EYS: variants seen among roughly 807,000 people sequenced by gnomAD.
EYS encodes the protein protein eyes shut homolog.
EYS carries 250 observed loss-of-function variants against 282.1 expected under a neutral mutation model. That is an observed-to-expected ratio of 0.89 (90% CI 0.80 to 0.98). EYS has a LOEUF of 0.98. Among genes scored for constraint, EYS ranks in the 50% least tolerant of loss-of-function variants. EYS has a pLI of 0.00. For missense variants in EYS, 4,016 were observed against 3,709.0 expected, an observed-to-expected ratio of 1.08 and a Z score of -2.15; for synonymous variants, 1,355 against 1,282.9, an observed-to-expected ratio of 1.06 and a Z score of -1.20.
At chr6:65,580,672 A>G (rs1764835853) in intron 2 of EYS, among the ~76,000 whole-genome samples, 1 of 152,112 alleles carries the variant, frequency 6.6e-6, no homozygotes, top group Non-Finnish European at 1.5e-5. Context: ...AATTAAAATG[A>G]AATGAGACAG....
In EYS at chr6:64,295,736, A is replaced by G. The variant is rs913212427; in HGVS notation, c.6191+11234T>C. 3.1e-4 allele frequency among the ~76,000 whole-genome samples: 46 copies of G among 150,798 alleles called. 1 individual carries two copies. Among genetic ancestry groups the G allele is most frequent in the Admixed American group, 3.0e-3 (46 of 15,178 alleles). ...TGAGCCAGACTCCGTCTCCAAAAAA[A>G]AAAAAAGAAAATGGGTCTGCCACTC... On this transcript the variant is annotated intron_variant, in intron 30 of 42. Coordinates refer to ENST00000503581, the MANE Select transcript of EYS (RefSeq NM_001142800.2).
chr6:64,554,326 T>C (rs151321856), intron 26 of EYS, among the ~76,000 whole-genome samples: 22 of 152,222 alleles, frequency 1.4e-4, no homozygotes, highest in African/African-American at 4.8e-4. Flanking sequence ...CTGATAGTAT[T>C]CCAATTTGTT....
chr6:64,625,829 C>G (rs1284151312), intron 23 of EYS, among the ~76,000 whole-genome samples: 1 of 152,068 alleles, frequency 6.6e-6, no homozygotes, highest in Non-Finnish European at 1.5e-5. Context: ...ATAATTGATA[C>G]AAAGATCAGA....
intron 29 of EYS, among the ~76,000 whole-genome samples, chr6:64,354,335 A>G (rs963940806): frequency 1.3e-5 from 2 of 151,602 alleles, no homozygotes; most frequent in Non-Finnish European, 3.0e-5. Flanking sequence ...TTACTCCCAC[A>G]AGCGCCATCA....
chr6:64,580,800 C>T (rs1285437644), intron 26 of EYS, among the ~76,000 whole-genome samples: 1 of 152,048 alleles, frequency 6.6e-6, no homozygotes, highest in East Asian at 1.9e-4. Flanking sequence ...CAAGAGAGAT[C>T]ATACAAGCCA....
chr6:64,148,597 C>T (rs1774599142), intron 31 of EYS, among the ~76,000 whole-genome samples: 1 of 151,720 alleles, frequency 6.6e-6, no homozygotes, highest in Non-Finnish European at 1.5e-5. Flanking sequence ...TTGAGCTGAC[C>T]AACTGTTTGC....
intron 12 of EYS, among the ~76,000 whole-genome samples, chr6:65,101,916 G>T (rs1774904714): frequency 6.6e-6 from 1 of 151,056 alleles, no homozygotes; most frequent in Non-Finnish European, 1.5e-5. Flanking sequence ...AAATCCTCCA[G>T]GTCTCCCAGA....
chr6:65,616,711 G>T (rs421733), intron 2 of EYS, among the ~76,000 whole-genome samples: 1 of 151,412 alleles, frequency 6.6e-6, no homozygotes, highest in Non-Finnish European at 1.5e-5. Flanking sequence ...GCTTGAACCC[G>T]GGAGGTCAAG....
intron 24 of EYS, among the ~76,000 whole-genome samples, chr6:64,604,689 A>G (rs1181900873): frequency 6.6e-6 from 1 of 152,078 alleles, no homozygotes; most frequent in African/African-American, 2.4e-5. Flanking sequence ...GATTTGCTGT[A>G]TAATTTTAAT....
At chr6:64,380,758 C>G (rs1052614209) in intron 29 of EYS, among the ~76,000 whole-genome samples, 3 of 152,118 alleles carry the variant, frequency 2.0e-5, no homozygotes, top group Admixed American at 2.0e-4. Flanking sequence ...TGGCTCACGC[C>G]TATAATACCA....
intron 12 of EYS, among the ~76,000 whole-genome samples, chr6:65,263,762 C>A (rs1011283456): frequency 6.4e-5 from 9 of 141,134 alleles, no homozygotes; most frequent in African/African-American, 2.5e-4. Context: ...AAATAAAAAA[C>A]AATTGTGGTA....
intron 4 of EYS, chr6:65,491,309 CCTTCCATA>C (rs1766035648): frequency 8.7e-6 from 2 of 229,722 alleles, no homozygotes; most frequent in South Asian, 4.9e-5. Flanking sequence ...ACACACACAG[CCTTCCATA>C]ACATACTCAT....
At chr6:63,846,290 T>C (rs1248118216) in intron 36 of EYS, among the ~76,000 whole-genome samples, 1 of 152,032 alleles carries the variant, frequency 6.6e-6, no homozygotes, top group African/African-American at 2.4e-5. Context: ...CCCCCTTTGG[T>C]GTTTGCTGTC....
At chr6:65,134,877 A>C (rs1775979755) in intron 12 of EYS, among the ~76,000 whole-genome samples, 1 of 152,090 alleles carries the variant, frequency 6.6e-6, no homozygotes, top group African/African-American at 2.4e-5. Flanking sequence ...TATAAGAATA[A>C]TGGACAAGAT....
intron 9 of EYS, among the ~76,000 whole-genome samples, chr6:65,350,858 T>C (rs777085798): frequency 4.6e-5 from 7 of 151,616 alleles, no homozygotes; most frequent in Non-Finnish European, 8.9e-5. Context: ...CAAGAATTGA[T>C]TGGGCGTGTA....
At chr6:65,467,978 A>C (rs979133704) in intron 5 of EYS, among the ~76,000 whole-genome samples, 5 of 152,178 alleles carry the variant, frequency 3.3e-5, no homozygotes, top group East Asian at 3.9e-4. Context: ...AAAATAAAGA[A>C]TGCACATCAC....
intron 29 of EYS, among the ~76,000 whole-genome samples, chr6:64,388,185 A>T (rs1335129014): frequency 3.9e-5 from 6 of 152,162 alleles, no homozygotes; most frequent in Non-Finnish European, 5.9e-5. Context: ...TTAATAATGA[A>T]GACAATAAGC....
intron 29 of EYS, among the ~76,000 whole-genome samples, chr6:64,327,714 A>G (rs2150388451): frequency 6.6e-6 from 1 of 152,324 alleles, no homozygotes; most frequent in South Asian, 2.1e-4. Flanking sequence ...AGGCATCAGT[A>G]AAAGAAAAGG....
chr6:64,645,355 A>G (rs1185045250), intron 22 of EYS, among the ~76,000 whole-genome samples: 1 of 152,246 alleles, frequency 6.6e-6, no homozygotes, highest in Non-Finnish European at 1.5e-5. Context: ...GACAAATCAC[A>G]ATATTGAATC....
Sources: allele counts gnomAD v4.1 joint callset (sites outside exome capture counted in the v4.1 genomes callset), GRCh38; gene constraint gnomAD v4.1.1; transcripts MANE v1.5; gene names NCBI Gene and HGNC (gene_info 2026-07-23, HGNC 2026-07-21).